The following NDP variants were observed in gnomAD, a reference collection of about 807,000 sequenced individuals.
NDP encodes the protein norrin cystine knot growth factor NDP.
A neutral mutation model predicts 8.4 loss-of-function variants in NDP; 2 were observed. The ratio of observed to expected loss-of-function variants is 0.24; its 90% CI spans 0.10 to 0.75. The LOEUF (loss-of-function observed/expected upper bound fraction) is 0.75, where lower values mean the gene tolerates loss of function less well. Among genes scored for constraint, NDP ranks in the 30% least tolerant of loss-of-function variants. NDP has a pLI of 0.73. For missense variants in NDP, 81 were observed against 110.1 expected, an observed-to-expected ratio of 0.74 and a Z score of 1.18; for synonymous variants, 55 against 45.6, an observed-to-expected ratio of 1.21 and a Z score of -0.83.
At chrX:43,964,250 T>C (rs371810270) in intron 1 of NDP, among the ~76,000 whole-genome samples, 3 of 110,984 alleles carry the variant, frequency 2.7e-5, no homozygotes, top group African/African-American at 9.9e-5. Context: ...GTGGGGGTGA[T>C]GGAGGAAGAA....
At chrX:43,955,961 G>T (rs1371622162) in intron 2 of NDP, among the ~76,000 whole-genome samples, 1 of 112,154 alleles carries the variant, frequency 8.9e-6, no homozygotes, top group Non-Finnish European at 1.9e-5. Context: ...CTATGTGATG[G>T]CTCCTACATT....
At chrX:43,952,031 A>C (rs1214708031) in intron 2 of NDP, among the ~76,000 whole-genome samples, 1 of 112,158 alleles carries the variant, frequency 8.9e-6, no homozygotes, top group African/African-American at 3.2e-5. Context: ...TCCAGGCTGC[A>C]GTGCAGTGGT....
intron 1 of NDP, among the ~76,000 whole-genome samples, chrX:43,966,081 G>A (rs2035856443): frequency 8.9e-6 from 1 of 112,300 alleles, no homozygotes; most frequent in African/African-American, 3.2e-5. Context: ...AATTGGAAAT[G>A]ACCAAGTCAG....
chrX:43,957,859 G>A (rs776481174), intron 2 of NDP, among the ~76,000 whole-genome samples: 1 of 104,845 alleles, frequency 9.5e-6, no homozygotes, highest in Non-Finnish European at 1.9e-5. Flanking sequence ...CACTCTTGGT[G>A]GCCTTTTAAG....
chrX:43,954,470 C>T (rs999395330), intron 2 of NDP: 10 of 111,459 alleles, frequency 9.0e-5, no homozygotes. Context: ...TTGTAAGCAT[C>T]ATGAAGGCAA....
At position 43,958,850 on chromosome X, in the gene NDP, C is replaced by T; in HGVS notation, c.-205G>A. 3 of 434,949 alleles carry T rather than the reference C, an allele frequency of 6.9e-6. No individual in the cohort carries two copies. Among genetic ancestry groups the T allele is most frequent in the Non-Finnish European group, 1.2e-5 (3 of 247,117 alleles). The allele number at this position is 434,949 out of a possible 1,213,427, so 35.8% of individuals were successfully genotyped here. A position where few individuals can be genotyped will look rare whatever the true frequency, so the allele number is the denominator to read the frequency against. On this transcript the variant is annotated splice_region_variant and 5_prime_UTR_variant, in exon 2 of 3. It adds an upstream start codon to the 5' untranslated region. Transcript: ENST00000642620. ...ATCCATCATCACAGTATCTGCTGCA[C>T]AGCTGGAATGAAAACAGAAATTACT...
At chrX:43,960,664 A>G (rs758560257) in intron 1 of NDP, 2 of 112,506 alleles carry the variant, frequency 1.8e-5, no homozygotes, top group East Asian at 5.6e-4. Context: ...AGGATGAAAT[A>G]TTACTGACCA....
At chrX:43,960,344 T>A (rs209764) in intron 1 of NDP, among the ~76,000 whole-genome samples, 1 of 110,153 alleles carries the variant, frequency 9.1e-6, no homozygotes, top group African/African-American at 3.3e-5. Context: ...GCTGTCCCTT[T>A]GTGTTCTAAA....
chrX:43,960,609 GACA>G (rs2035821038), intron 1 of NDP, among the ~76,000 whole-genome samples: 1 of 112,070 alleles, frequency 8.9e-6, no homozygotes, highest in Non-Finnish European at 1.9e-5. Context: ...AAATTACCAA[GACA>G]ACAACTCAAA....
intron 1 of NDP, among the ~76,000 whole-genome samples, chrX:43,971,900 G>A: frequency 9.0e-6 from 1 of 111,627 alleles, no homozygotes; most frequent in Non-Finnish European, 1.9e-5. Context: ...TGGCAAACAG[G>A]ACCATAAAGT....
At chrX:43,968,096 T>A (rs1357186200) in intron 1 of NDP, among the ~76,000 whole-genome samples, 4 of 111,926 alleles carry the variant, frequency 3.6e-5, no homozygotes, top group Non-Finnish European at 7.5e-5. Context: ...ACTGGGGATA[T>A]GTCGCCAACG....
At chrX:43,962,526 C>T in intron 1 of NDP, among the ~76,000 whole-genome samples, 2 of 111,733 alleles carry the variant, frequency 1.8e-5, no homozygotes, top group African/African-American at 3.3e-5. Flanking sequence ...ATTATCTCTG[C>T]CTTGTAGCAG....
intron 2 of NDP, among the ~76,000 whole-genome samples, chrX:43,951,055 G>A (rs1001403326): frequency 3.6e-5 from 4 of 110,346 alleles, no homozygotes; most frequent in Middle Eastern, 4.6e-3. Context: ...GAGAATCTGA[G>A]ATTATTGGTC....
intron 2 of NDP, 72 bp from the exon 3 acceptor site, chrX:43,950,098 G>A: frequency 3.2e-6 from 3 of 950,068 alleles, no homozygotes; most frequent in Non-Finnish European, 4.4e-6. Flanking sequence ...AGCATCTTTT[G>A]AAAGACCCTC....
intron 2 of NDP, among the ~76,000 whole-genome samples, chrX:43,955,512 GAGATT>G (rs1569245066): frequency 4.4e-5 from 5 of 112,631 alleles, no homozygotes; most frequent in Non-Finnish European, 7.5e-5. Context: ...AGTTCTCATA[GAGATT>G]CCACCAGGCA....
rs58114928 is a variant in NDP, at chrX:43,953,127, A to AACACACACACACACACACACACAC, written c.175-3125_175-3102dup. 4.4e-3 allele frequency among the ~76,000 whole-genome samples: 429 copies of AACACACACACACACACACACACAC among 98,229 alleles called. 6 individuals carry two copies. Among genetic ancestry groups the AACACACACACACACACACACACAC allele is most frequent in the African/African-American group, 0.015 (373 of 25,502 alleles). 85.3% of individuals were successfully genotyped at this position (98,229 alleles called of 115,157 possible). A position where few individuals can be genotyped will look rare whatever the true frequency, so the allele number is the denominator to read the frequency against. ...CAATTATTGAACCATTGATGTTCTC[A>AACACACACACACACACACACACAC]ACACACACACACACACACACACACA... is the stretch of plus-strand genomic sequence containing the variant. On this transcript the variant is annotated intron_variant, in intron 2 of 2. Transcript: ENST00000642620.
At chrX:43,967,959 A>G (rs1365486575) in intron 1 of NDP, among the ~76,000 whole-genome samples, 1 of 111,729 alleles carries the variant, frequency 9.0e-6, no homozygotes, top group African/African-American at 3.3e-5. Context: ...AAAAGAAAAA[A>G]GAAAAGACAA....
At chrX:43,955,876 A>G (rs1163585037) in intron 2 of NDP, among the ~76,000 whole-genome samples, 2 of 66,913 alleles carry the variant, frequency 3.0e-5, no homozygotes, top group African/African-American at 1.3e-4. Context: ...GGCTTTCACT[A>G]TTATTTATTT....
intron 1 of NDP, among the ~76,000 whole-genome samples, chrX:43,959,572 T>A (rs1397260335): frequency 8.9e-6 from 1 of 111,844 alleles, no homozygotes; most frequent in Non-Finnish European, 1.9e-5. Context: ...AAGAAAGCAG[T>A]TGTTGGAACA....
Sources: allele counts gnomAD v4.1 joint callset (sites outside exome capture counted in the v4.1 genomes callset), GRCh38; gene constraint gnomAD v4.1.1; transcripts MANE v1.5; gene names NCBI Gene and HGNC (gene_info 2026-07-23, HGNC 2026-07-21).